GRIA4: variants seen among roughly 807,000 people sequenced by gnomAD.
GRIA4 encodes the protein glutamate ionotropic receptor AMPA type subunit 4.
In GRIA4, 34 loss-of-function variants were observed where a neutral mutation model predicts 104.0. The ratio of observed to expected loss-of-function variants is 0.33; its 90% CI spans 0.25 to 0.44. The LOEUF is 0.44. Among genes scored for constraint, GRIA4 ranks in the 20% least tolerant of loss-of-function variants. GRIA4 has a pLI of 1.00. For synonymous variants in GRIA4, 386 were observed against 381.9 expected (o/e 1.01, Z -0.13); for missense variants, 750 against 1,096.5 (o/e 0.68, Z 4.46).
intron 4 of GRIA4, among the ~76,000 whole-genome samples, chr11:105,774,356 T>G (rs553624773): frequency 2.6e-5 from 4 of 151,882 alleles, no homozygotes; most frequent in African/African-American, 9.6e-5. Context: ...TATTAAATAG[T>G]AAAAGATAAA....
At chr11:105,631,239 C>T (rs552283547) in intron 3 of GRIA4, among the ~76,000 whole-genome samples, 2 of 152,198 alleles carry the variant, frequency 1.3e-5, no homozygotes, top group South Asian at 2.1e-4. Context: ...GGGAAGGAGG[C>T]AGCCAGCCCC....
At chr11:105,793,382 AT>A (rs1258790897) in intron 4 of GRIA4, among the ~76,000 whole-genome samples, 4 of 152,164 alleles carry the variant, frequency 2.6e-5, no homozygotes, top group African/African-American at 9.6e-5. Flanking sequence ...AAGCACTAAG[AT>A]TATCACATCT....
intron 3 of GRIA4, among the ~76,000 whole-genome samples, chr11:105,684,085 G>T (rs1952794317): frequency 6.6e-6 from 1 of 151,912 alleles, no homozygotes; most frequent in South Asian, 2.1e-4. Flanking sequence ...TGTTGGTTAG[G>T]CTGGTCTCAA....
chr11:105,788,970 C>G (rs1942094651), intron 4 of GRIA4, among the ~76,000 whole-genome samples: 1 of 151,998 alleles, frequency 6.6e-6, no homozygotes, highest in South Asian at 2.1e-4. Flanking sequence ...TGGTGGAATC[C>G]TTAAGCCACA....
At chr11:105,630,185 T>C (rs572813923) in intron 3 of GRIA4, among the ~76,000 whole-genome samples, 8 of 152,258 alleles carry the variant, frequency 5.3e-5, no homozygotes, top group African/African-American at 1.4e-4. Context: ...ACTCCCCACA[T>C]TGAATGACTG....
intron 4 of GRIA4, among the ~76,000 whole-genome samples, chr11:105,789,163 A>AT (rs895384705): frequency 6.6e-6 from 1 of 152,148 alleles, no homozygotes; most frequent in African/African-American, 2.4e-5. Flanking sequence ...AGCATCACAG[A>AT]TAGAACTGGT....
intron 3 of GRIA4, among the ~76,000 whole-genome samples, chr11:105,617,404 T>A (rs1950628282): frequency 6.6e-6 from 1 of 151,892 alleles, no homozygotes; most frequent in South Asian, 2.1e-4. Flanking sequence ...CCAAAGACTA[T>A]CTAGTAATAG....
chr11:105,945,028 C>CA (rs777406900), intron 14 of GRIA4, among the ~76,000 whole-genome samples: 24 of 152,224 alleles, frequency 1.6e-4, no homozygotes, highest in Non-Finnish European at 2.8e-4. Flanking sequence ...TTGCTTCAAT[C>CA]ATGGTGCTGC....
intron 4 of GRIA4, among the ~76,000 whole-genome samples, chr11:105,775,884 T>C (rs1565226806): frequency 6.6e-6 from 1 of 152,080 alleles, no homozygotes; most frequent in African/African-American, 2.4e-5. Flanking sequence ...TGAGAAAATT[T>C]TGTAATACAG....
chr11:105,721,314 C>A (rs796101525), intron 3 of GRIA4, among the ~76,000 whole-genome samples: 4 of 151,976 alleles, frequency 2.6e-5, no homozygotes, highest in Non-Finnish European at 5.9e-5. Context: ...ACTTAAGACC[C>A]GAGAATGCCC....
intron 3 of GRIA4, among the ~76,000 whole-genome samples, chr11:105,645,199 C>T (rs1177625274): frequency 1.3e-5 from 2 of 152,114 alleles, no homozygotes; most frequent in South Asian, 2.1e-4. Flanking sequence ...CTTGTAGCTG[C>T]AAAAAGACAC....
chr11:105,776,083 A>G (rs893057422), intron 4 of GRIA4, among the ~76,000 whole-genome samples: 1 of 152,124 alleles, frequency 6.6e-6, no homozygotes, highest in Non-Finnish European at 1.5e-5. Flanking sequence ...AGTACCTAAC[A>G]ATTTTATTAT....
chr11:105,692,502 A>G (rs948441665), intron 3 of GRIA4, among the ~76,000 whole-genome samples: 3 of 152,222 alleles, frequency 2.0e-5, no homozygotes, highest in African/African-American at 7.2e-5. Context: ...TGAGTAAGTC[A>G]TAAGATCAAC....
chr11:105,905,251 G>T lies in GRIA4; in HGVS notation c.1108G>T (p.Val370Phe). The part of the protein sequence containing the change: ...NVQFDHYGRR[V>F]NYTMDVFELK... ...TCAGTTTGACCACTATGGACGTAGA[G>T]TCAATTACACAATGGATGTGTTTGA... Residue 370 changes from valine (V) to phenylalanine (F), a missense_variant, in exon 9 of 17, where the codon GTC (valine) becomes TTC (phenylalanine). This residue lies in a region of GRIA4 where 410 missense variants were observed against 502.7 expected (regional missense o/e 0.82). Coordinates refer to ENST00000282499, the MANE Select transcript of GRIA4 (RefSeq NM_000829.4). 6.2e-7 allele frequency: 1 copy of T among 1,610,274 alleles called. No individual in the cohort carries two copies.
intron 11 of GRIA4, 81 bp downstream of exon 11, chr11:105,918,999 C>A (rs996319298): frequency 2.5e-6 from 2 of 815,566 alleles, no homozygotes; most frequent in African/African-American, 1.7e-5. Flanking sequence ...AATTTTTAAA[C>A]GTCTATTATT....
rs146841671 is a variant in GRIA4, at chr11:105,829,094, T to TACACACACACACACACACACACACACAC, written c.488-32917_488-32916insCACACACACACACACACACACACACACA. Among the ~76,000 whole-genome samples the TACACACACACACACACACACACACACAC allele has an allele frequency of 5.9e-3, 887 of 151,116 alleles. 6 individuals carry two copies. Among genetic ancestry groups the TACACACACACACACACACACACACACAC allele is most frequent in the Non-Finnish European group, 8.0e-3 (540 of 67,750 alleles). On this transcript the variant is annotated intron_variant, in intron 4 of 16. Transcript: ENST00000282499. ...ATTGTGTGCTATATCCAGTGATGTA[T>TACACACACACACACACACACACACACAC]ACACACACACACAAATAGACTGATA...
chr11:105,696,954 G>C (rs915562889), intron 3 of GRIA4, among the ~76,000 whole-genome samples: 1 of 151,960 alleles, frequency 6.6e-6, no homozygotes, highest in Non-Finnish European at 1.5e-5. Flanking sequence ...AGTAGAGATG[G>C]GGTTTCACCG....
At chr11:105,771,615 T>C (rs1941211826) in intron 4 of GRIA4, among the ~76,000 whole-genome samples, 1 of 152,118 alleles carries the variant, frequency 6.6e-6, no homozygotes, top group African/African-American at 2.4e-5. Context: ...CGCTTATTCT[T>C]AGAAACTATG....
chr11:105,807,996 T>C (rs1480352303), intron 4 of GRIA4, among the ~76,000 whole-genome samples: 1 of 152,010 alleles, frequency 6.6e-6, no homozygotes, highest in Non-Finnish European at 1.5e-5. Context: ...ATACTCTCTT[T>C]TGATTCTCTT....
Sources: allele counts gnomAD v4.1 joint callset (sites outside exome capture counted in the v4.1 genomes callset), GRCh38; gene constraint gnomAD v4.1.1; regional missense constraint gnomAD v4.1.1; transcripts MANE v1.5; gene names NCBI Gene and HGNC (gene_info 2026-07-23, HGNC 2026-07-21).